Variants in TTC23L observed in about 807,000 individuals in gnomAD.
TTC23L encodes the protein tetratricopeptide repeat domain 23 like.
A neutral mutation model predicts 48.1 loss-of-function variants in TTC23L; 42 were observed. The ratio of observed to expected loss-of-function variants is 0.87; its 90% CI spans 0.68 to 1.13. The LOEUF (loss-of-function observed/expected upper bound fraction) is 1.13, where lower values mean the gene tolerates loss of function less well. Among genes scored for constraint, TTC23L ranks in the 50% most tolerant of loss-of-function variants. The pLI is 0.00. For synonymous variants in TTC23L, 159 were observed against 157.2 expected, an observed-to-expected ratio of 1.01 and a Z score of -0.09; for missense variants, 391 against 421.0, an observed-to-expected ratio of 0.93 and a Z score of 0.62.
At chr5:34,901,445 G>A (rs1219568825), downstream of TTC23L, among the ~76,000 whole-genome samples, 1 of 152,214 alleles carries the variant, frequency 6.6e-6, no homozygotes, top group Non-Finnish European at 1.5e-5. Context: ...TTCAAAGTCA[G>A]AAAGGACCAT....
chr5:34,860,082 C>T (rs189129251), intron 4 of TTC23L, among the ~76,000 whole-genome samples: 37 of 152,026 alleles, frequency 2.4e-4, no homozygotes, highest in African/African-American at 6.3e-4. Context: ...CTCCTGACCT[C>T]GTGATCCGCC....
At chr5:34,917,440 TG>T in the TTC23L span, among the ~76,000 whole-genome samples, 1 of 151,116 alleles carries the variant, frequency 6.6e-6, no homozygotes, top group Non-Finnish European at 1.5e-5. Flanking sequence ...AAGACCAGCC[TG>T]GCCAAGATGG....
At chr5:34,902,652 A>G (rs1429086765), downstream of TTC23L, among the ~76,000 whole-genome samples, 1 of 152,192 alleles carries the variant, frequency 6.6e-6, no homozygotes, top group Non-Finnish European at 1.5e-5. Context: ...TAACTAAGCC[A>G]AAGCCTTGTC....
At chr5:34,886,729 A>G (rs1435993573) in intron 9 of TTC23L, among the ~76,000 whole-genome samples, 7 of 152,008 alleles carry the variant, frequency 4.6e-5, no homozygotes, top group Non-Finnish European at 1.0e-4. Flanking sequence ...GCTTTGTTAG[A>G]TATGCTGAGG....
At chr5:34,923,198 C>A in the TTC23L span, 1 of 1,613,980 alleles carries the variant, frequency 6.2e-7, no homozygotes, top group South Asian at 1.1e-5. Flanking sequence ...TTACTTTCAC[C>A]ATTTTGGATA....
intron 9 of TTC23L, among the ~76,000 whole-genome samples, chr5:34,888,740 A>G (rs1002289495): frequency 3.3e-5 from 5 of 152,244 alleles, no homozygotes; most frequent in East Asian, 1.9e-4. Context: ...CCCAGTATTA[A>G]TAGGGTCTGC....
chr5:34,862,499 AGC>A (rs1384378534), intron 4 of TTC23L, among the ~76,000 whole-genome samples: 2 of 152,172 alleles, frequency 1.3e-5, no homozygotes, highest in African/African-American at 4.8e-5. Context: ...AGGATGGAGA[AGC>A]GTTGTGGGTT....
the TTC23L span, among the ~76,000 whole-genome samples, chr5:34,914,315 T>C: frequency 6.6e-6 from 1 of 152,188 alleles, no homozygotes; most frequent in Non-Finnish European, 1.5e-5. Context: ...TCACTTAAAA[T>C]TGTGCCTCGT....
intron 4 of TTC23L, among the ~76,000 whole-genome samples, chr5:34,854,254 T>C (rs1759932301): frequency 6.6e-6 from 1 of 152,188 alleles, no homozygotes. Context: ...TTGTTTTTCC[T>C]AGATGGGAAA....
At position 34,889,832 on chromosome 5, in the gene TTC23L, TTTTTTG is replaced by T. The variant is rs569437461; in HGVS notation, c.1078-6920_1078-6915del. ...TAAACCACATTATTAGGTGGGGTTT[TTTTTTG>T]TTTTTGTTTTTGTTTTTTTGAGACA... On this transcript the variant is annotated intron_variant, in intron 9 of 10. Coordinates refer to ENST00000505624, the Ensembl canonical transcript of TTC23L. Among the ~76,000 whole-genome samples the T allele has an allele frequency of 6.2e-3, 944 of 152,110 alleles. 6 individuals carry two copies. Among genetic ancestry groups the T allele is most frequent in the Non-Finnish European group, 0.011 (754 of 67,988 alleles).
chr5:34,898,258 A>G (rs759798784), intron 10 of TTC23L, among the ~76,000 whole-genome samples: 24 of 152,342 alleles, frequency 1.6e-4, no homozygotes, highest in Non-Finnish European at 3.4e-4. Context: ...ATAGGGGCTG[A>G]ATATTTTGAA....
At chr5:34,922,691 C>T in the TTC23L span, 1 of 1,612,738 alleles carries the variant, frequency 6.2e-7, no homozygotes, top group Non-Finnish European at 8.5e-7. Flanking sequence ...TGTAATTTTT[C>T]TAGTTCATAC....
chr5:34,893,890 A>C (rs1485576312), intron 9 of TTC23L, among the ~76,000 whole-genome samples: 2 of 152,182 alleles, frequency 1.3e-5, no homozygotes, highest in Non-Finnish European at 2.9e-5. Flanking sequence ...AAGAGGAAGA[A>C]ATGCATATGA....
the TTC23L span, chr5:34,920,632 A>G: frequency 6.6e-6 from 1 of 152,228 alleles, no homozygotes; most frequent in Admixed American, 6.5e-5. Context: ...AAAGCAGGTT[A>G]TAGGTTTTGG....
At chr5:34,875,737 C>T (rs1323180086) in intron 8 of TTC23L, among the ~76,000 whole-genome samples, 1 of 152,096 alleles carries the variant, frequency 6.6e-6, no homozygotes, top group Non-Finnish European at 1.5e-5. Flanking sequence ...GATACACAGG[C>T]AGAAAATCAG....
chr5:34,858,728 G>A (rs992333492), intron 4 of TTC23L, among the ~76,000 whole-genome samples: 1 of 151,974 alleles, frequency 6.6e-6, no homozygotes, highest in African/African-American at 2.4e-5. Context: ...ACACTCTTAC[G>A]GCATCTTGCA....
At chr5:34,842,246 A>C (rs951100012) in intron 2 of TTC23L, among the ~76,000 whole-genome samples, 1 of 152,254 alleles carries the variant, frequency 6.6e-6, no homozygotes, top group South Asian at 2.1e-4. Flanking sequence ...ACTCTTTAAA[A>C]TACAGCACAT....
the TTC23L span, chr5:34,916,784 C>G: frequency 6.6e-6 from 1 of 152,166 alleles, no homozygotes; most frequent in Admixed American, 6.5e-5. Context: ...AAGAAGTGAG[C>G]TCTGTGGAAT....
At chr5:34,922,807 A>G in the TTC23L span, 2 of 1,563,562 alleles carry the variant, frequency 1.3e-6, no homozygotes, top group Admixed American at 1.7e-5. Context: ...TAATTTTCTT[A>G]TCTGGCATGG....
Sources: allele counts gnomAD v4.1 joint callset (sites outside exome capture counted in the v4.1 genomes callset), GRCh38; gene constraint gnomAD v4.1.1; transcripts MANE v1.5; gene names NCBI Gene and HGNC (gene_info 2026-07-23, HGNC 2026-07-21).